Variants in NRG3 observed in about 807,000 individuals in gnomAD.
NRG3 encodes the protein neuregulin 3.
Under a neutral mutation model 66.9 loss-of-function variants are expected in NRG3, and 31 were observed. The ratio of observed to expected loss-of-function variants is 0.46; its 90% CI spans 0.35 to 0.63. The LOEUF (loss-of-function observed/expected upper bound fraction) is 0.63. NRG3 is among the 20% of genes least tolerant of loss of function. The pLI, the probability that NRG3 is intolerant of heterozygous loss-of-function variation, is 0.00. For synonymous variants in NRG3, 393 were observed against 359.4 expected (o/e 1.09, Z -1.06); for missense variants, 910 against 878.9 (o/e 1.04, Z -0.45).
intron 2 of NRG3, among the ~76,000 whole-genome samples, chr10:82,405,644 T>G (rs916412662): frequency 1.3e-5 from 2 of 152,018 alleles, no homozygotes. Context: ...ATTTTTGTAT[T>G]TTTAGTAGAA....
At chr10:82,975,546 C>T (rs1009955210) in intron 7 of NRG3, among the ~76,000 whole-genome samples, 1 of 152,142 alleles carries the variant, frequency 6.6e-6, no homozygotes, top group Non-Finnish European at 1.5e-5. Flanking sequence ...AATGACATTG[C>T]AGTATCTGTT....
At chr10:82,582,433 C>A (rs1031064923) in intron 2 of NRG3, among the ~76,000 whole-genome samples, 1 of 152,130 alleles carries the variant, frequency 6.6e-6, no homozygotes, top group African/African-American at 2.4e-5. Flanking sequence ...CTGATCATTT[C>A]TGTTAAATGG....
At chr10:82,768,866 C>T (rs967106748) in intron 3 of NRG3, among the ~76,000 whole-genome samples, 2 of 152,070 alleles carry the variant, frequency 1.3e-5, no homozygotes, top group African/African-American at 4.8e-5. Flanking sequence ...ACATTTCTGA[C>T]GTTCAAGTTT....
At chr10:82,518,969 C>T (rs1444709432) in intron 2 of NRG3, among the ~76,000 whole-genome samples, 1 of 152,260 alleles carries the variant, frequency 6.6e-6, no homozygotes, top group Non-Finnish European at 1.5e-5. Context: ...TGTGTGTTCC[C>T]CTATGAATCA....
intron 1 of NRG3, among the ~76,000 whole-genome samples, chr10:82,210,807 T>G (rs1470322856): frequency 6.6e-6 from 1 of 152,156 alleles, no homozygotes; most frequent in African/African-American, 2.4e-5. Context: ...TTATGCCTAC[T>G]TATTTTGAGC....
chr10:82,238,826 T>A (rs1236656820), intron 1 of NRG3, among the ~76,000 whole-genome samples: 2 of 144,894 alleles, frequency 1.4e-5, no homozygotes, highest in Non-Finnish European at 3.1e-5. Context: ...AAACCTGTTT[T>A]CTTCTAACCT....
chr10:81,956,700 A>G (rs1470527475), intron 1 of NRG3, among the ~76,000 whole-genome samples: 3 of 152,068 alleles, frequency 2.0e-5, no homozygotes, highest in African/African-American at 7.2e-5. Flanking sequence ...CCTACTACAG[A>G]TTATATTTTC....
chr10:82,037,656 C>G (rs952742196), intron 1 of NRG3, among the ~76,000 whole-genome samples: 2 of 152,228 alleles, frequency 1.3e-5, no homozygotes, highest in Middle Eastern at 6.8e-3. Flanking sequence ...TAGAAGACAT[C>G]ACGATGAGGC....
At chr10:81,971,089 G>A (rs2059916780) in intron 1 of NRG3, among the ~76,000 whole-genome samples, 1 of 152,172 alleles carries the variant, frequency 6.6e-6, no homozygotes, top group African/African-American at 2.4e-5. Context: ...GCAGTGAGCT[G>A]AGATTGTGCC....
intron 4 of NRG3, among the ~76,000 whole-genome samples, chr10:82,884,284 T>G (rs1385844499): frequency 2.0e-5 from 3 of 152,142 alleles, no homozygotes; most frequent in Admixed American, 2.0e-4. Flanking sequence ...ACTTATATAT[T>G]TATGATGATT....
At chr10:82,745,711 T>G (rs1042098260) in intron 3 of NRG3, among the ~76,000 whole-genome samples, 4 of 152,114 alleles carry the variant, frequency 2.6e-5, no homozygotes, top group Non-Finnish European at 5.9e-5. Context: ...GACACCAATC[T>G]TTTACCAATC....
intron 1 of NRG3, among the ~76,000 whole-genome samples, chr10:82,003,754 G>T (rs1374334407): frequency 1.3e-5 from 2 of 152,140 alleles, no homozygotes; most frequent in Non-Finnish European, 2.9e-5. Context: ...TTGCTGATGG[G>T]AGTGTCTGTT....
At chr10:82,132,104 T>C (rs969987671) in intron 1 of NRG3, among the ~76,000 whole-genome samples, 1 of 152,066 alleles carries the variant, frequency 6.6e-6, no homozygotes, top group Non-Finnish European at 1.5e-5. Flanking sequence ...GGCATTCTTA[T>C]CTTGTACCAG....
intron 4 of NRG3, among the ~76,000 whole-genome samples, chr10:82,947,373 G>A (rs1252140155): frequency 2.0e-5 from 3 of 152,028 alleles, no homozygotes; most frequent in Non-Finnish European, 4.4e-5. Context: ...GGATCCTTGG[G>A]TTATTTCCAG....
intron 2 of NRG3, among the ~76,000 whole-genome samples, chr10:82,487,491 T>G (rs758697770): frequency 6.6e-6 from 1 of 152,152 alleles, no homozygotes; most frequent in African/African-American, 2.4e-5. Context: ...TTAATATATA[T>G]TAAAAAATAG....
At chr10:82,835,718 C>T (rs538671114) in intron 3 of NRG3, among the ~76,000 whole-genome samples, 1 of 152,282 alleles carries the variant, frequency 6.6e-6, no homozygotes, top group African/African-American at 2.4e-5. Flanking sequence ...CTTTGCAGGA[C>T]AGCCAGATGA....
At chr10:81,885,997 A>T (rs1009628637) in intron 1 of NRG3, among the ~76,000 whole-genome samples, 1 of 152,118 alleles carries the variant, frequency 6.6e-6, no homozygotes, top group Non-Finnish European at 1.5e-5. Flanking sequence ...TTTCTGGATT[A>T]AAAAACTAAC....
At chr10:81,916,006 T>G (rs1430399757) in intron 1 of NRG3, among the ~76,000 whole-genome samples, 1 of 152,196 alleles carries the variant, frequency 6.6e-6, no homozygotes, top group Non-Finnish European at 1.5e-5. Flanking sequence ...ATGATCTCAC[T>G]TAACATATCT....
intron 2 of NRG3, among the ~76,000 whole-genome samples, chr10:82,584,884 T>A (rs1590768765): frequency 6.6e-6 from 1 of 152,146 alleles, no homozygotes; most frequent in East Asian, 1.9e-4. Context: ...GACACAGTGC[T>A]TTTGGCTGCA....
Sources: gnomAD v4.1 joint callset for allele counts (sites outside exome capture counted in the v4.1 genomes callset) on GRCh38, gnomAD v4.1.1 for gene constraint, MANE v1.5 for transcripts, NCBI Gene and HGNC (gene_info 2026-07-23, HGNC 2026-07-21) for gene names.